Variants in TCF4 observed in about 807,000 individuals in gnomAD.
TCF4 encodes the protein transcription factor 4.
A neutral mutation model predicts 82.1 loss-of-function variants in TCF4; 3 were observed. The ratio of observed to expected loss-of-function variants is 0.04; its 90% CI spans 0.02 to 0.09. TCF4 has a LOEUF of 0.09. Among genes scored for constraint, TCF4 ranks in the 10% least tolerant of loss-of-function variants. The pLI, the probability that TCF4 is intolerant of heterozygous loss-of-function variation, is 1.00. For synonymous variants in TCF4, 276 were observed against 309.6 expected (o/e 0.89, Z 1.14); for missense variants, 518 against 852.7 (o/e 0.61, Z 4.89).
At position 55,423,137 on chromosome 18, in the gene TCF4, G is replaced by A. The variant is rs185721749; in HGVS notation, c.305-19619C>T. Among the ~76,000 whole-genome samples the A allele has an allele frequency of 5.1e-4, 77 of 150,348 alleles. No homozygotes were observed. The East Asian group carries it at 0.014, about 27-fold the overall frequency. The stretch of plus-strand genomic sequence containing the variant: ...TGCCTTAAAATTATTTTGTTTTTAG[G>A]CGATAATGGTCTTATACAATAGAAG... On this transcript the variant is annotated intron_variant, in intron 5 of 19. Coordinates refer to ENST00000354452, the MANE Select transcript of TCF4 (RefSeq NM_001083962.2).
intron 8 of TCF4, among the ~76,000 whole-genome samples, chr18:55,340,111 C>A (rs1056676576): frequency 2.0e-5 from 3 of 152,156 alleles, no homozygotes; most frequent in African/African-American, 7.2e-5. Context: ...ATCACTTGGG[C>A]AGACCCGTTC....
intron 3 of TCF4, among the ~76,000 whole-genome samples, chr18:55,544,182 G>C (rs551674325): frequency 2.0e-5 from 3 of 152,172 alleles, no homozygotes; most frequent in Non-Finnish European, 4.4e-5. Flanking sequence ...TCATTAGCTA[G>C]CTGGATTAGC....
chr18:55,361,480 T>C (rs1411096511), intron 6 of TCF4, among the ~76,000 whole-genome samples: 1 of 152,232 alleles, frequency 6.6e-6, no homozygotes, highest in Non-Finnish European at 1.5e-5. Context: ...CTCTTGCTCA[T>C]ACAAACGTTT....
At chr18:55,456,372 A>T (rs2144610875) in intron 5 of TCF4, among the ~76,000 whole-genome samples, 1 of 152,322 alleles carries the variant, frequency 6.6e-6, no homozygotes, top group Admixed American at 6.5e-5. Flanking sequence ...GTAGGACTAG[A>T]ACCAAATACC....
chr18:55,321,587 A>G, intron 8 of TCF4: 2 of 1,533,268 alleles, frequency 1.3e-6, no homozygotes, highest in Admixed American at 2.0e-5. Flanking sequence ...ACAACTTTGC[A>G]AACAATGATC....
chr18:55,387,142 T>A (rs1194792457), intron 6 of TCF4, among the ~76,000 whole-genome samples: 1 of 152,248 alleles, frequency 6.6e-6, no homozygotes, highest in Non-Finnish European at 1.5e-5. Flanking sequence ...ATCCTCCCAC[T>A]TATGGCTCCA....
chr18:55,562,614 T>C (rs1457573737), intron 3 of TCF4, among the ~76,000 whole-genome samples: 2 of 152,204 alleles, frequency 1.3e-5, no homozygotes, highest in Non-Finnish European at 2.9e-5. Flanking sequence ...GCCTTTGGTT[T>C]GGCCAAGGGC....
intron 3 of TCF4, among the ~76,000 whole-genome samples, chr18:55,494,191 A>T (rs1411290187): frequency 9.7e-6 from 1 of 103,030 alleles, no homozygotes; most frequent in African/African-American, 3.2e-5. Flanking sequence ...CAGATTAGTC[A>T]GGCATGTACA....
chr18:55,318,053 T>C (rs1230643605), intron 8 of TCF4, among the ~76,000 whole-genome samples: 1 of 152,132 alleles, frequency 6.6e-6, no homozygotes, highest in African/African-American at 2.4e-5. Context: ...TACAGGTTTC[T>C]CTCTACGGTT....
chr18:55,306,668 C>G (rs2070450285), intron 8 of TCF4, among the ~76,000 whole-genome samples: 1 of 152,134 alleles, frequency 6.6e-6, no homozygotes, highest in Non-Finnish European at 1.5e-5. Flanking sequence ...ACCAGGAACT[C>G]CGTTTTCAAG....
chr18:55,516,283 T>G (rs919918317), intron 3 of TCF4, among the ~76,000 whole-genome samples: 3 of 152,178 alleles, frequency 2.0e-5, no homozygotes, highest in African/African-American at 7.2e-5. Context: ...ACTTTTTCTA[T>G]GACATATCTG....
At chr18:55,491,591 C>T (rs2096577610) in intron 3 of TCF4, among the ~76,000 whole-genome samples, 1 of 152,178 alleles carries the variant, frequency 6.6e-6, no homozygotes, top group Admixed American at 6.5e-5. Flanking sequence ...CTAATTGAAT[C>T]TTCCTGGCAC....
At chr18:55,613,731 G>C (rs369913194) in intron 2 of TCF4, among the ~76,000 whole-genome samples, 1 of 152,122 alleles carries the variant, frequency 6.6e-6, no homozygotes, top group African/African-American at 2.4e-5. Context: ...ACTATCACAC[G>C]AACAGCAAGG....
chr18:55,302,661 G>A (rs1054889240), intron 8 of TCF4: 1 of 1,469,420 alleles, frequency 6.8e-7, no homozygotes, highest in Non-Finnish European at 9.0e-7. Flanking sequence ...GCCTGTGGCT[G>A]GCCTAGGGGT....
chr18:55,303,016 C>T (rs2068816581), intron 8 of TCF4, among the ~76,000 whole-genome samples: 1 of 152,114 alleles, frequency 6.6e-6, no homozygotes, highest in Non-Finnish European at 1.5e-5. Context: ...GAGGAATGGC[C>T]TCCAATTTAA....
intron 8 of TCF4, among the ~76,000 whole-genome samples, chr18:55,318,639 A>AT (rs576210144): frequency 7.2e-4 from 109 of 152,164 alleles, no homozygotes; most frequent in African/African-American, 2.6e-3. Context: ...TTTGTTAAGT[A>AT]TTTTTTTCAG....
At chr18:55,440,332 C>T (rs1252767821) in intron 5 of TCF4, among the ~76,000 whole-genome samples, 1 of 152,128 alleles carries the variant, frequency 6.6e-6, no homozygotes, top group African/African-American at 2.4e-5. Context: ...TTTTAGGTGA[C>T]TACCGCTAAG....
chr18:55,335,932 G>A (rs1182665026), intron 8 of TCF4, among the ~76,000 whole-genome samples: 1 of 151,392 alleles, frequency 6.6e-6, no homozygotes, highest in Non-Finnish European at 1.5e-5. Flanking sequence ...TGCACAGTAG[G>A]AATACTCATT....
chr18:55,418,143 A>G (rs1329451535), intron 5 of TCF4, among the ~76,000 whole-genome samples: 1 of 151,922 alleles, frequency 6.6e-6, no homozygotes, highest in African/African-American at 2.4e-5. Flanking sequence ...GATTAAGAGA[A>G]ACATGCATGA....
Sources: allele counts gnomAD v4.1 joint callset (sites outside exome capture counted in the v4.1 genomes callset), GRCh38; gene constraint gnomAD v4.1.1; transcripts MANE v1.5; gene names NCBI Gene and HGNC (gene_info 2026-07-23, HGNC 2026-07-21).